The following ERCC6L2 variants were observed in gnomAD, a reference collection of about 807,000 sequenced individuals.
The protein encoded by ERCC6L2 is DNA excision repair protein ERCC-6-like 2.
A neutral mutation model predicts 132.0 loss-of-function variants in ERCC6L2; 77 were observed. The ratio of observed to expected loss-of-function variants is 0.58; its 90% CI spans 0.49 to 0.71. The LOEUF (loss-of-function observed/expected upper bound fraction) is 0.71, where lower values mean the gene tolerates loss of function less well. Ranked by LOEUF, ERCC6L2 falls within the 30% of genes least tolerant of loss-of-function variation. The pLI is 0.00. For synonymous variants in ERCC6L2, 583 were observed against 632.4 expected (o/e 0.92, Z 1.17); for missense variants, 1,542 against 1,837.6 (o/e 0.84, Z 2.94).
chr9:95,916,474 T>C (rs1829597476), intron 6 of ERCC6L2, 40 bp downstream of exon 6: 1 of 1,413,088 alleles, frequency 7.1e-7, no homozygotes, highest in Non-Finnish European at 9.3e-7. Context: ...TTTGTGGTCA[T>C]ATTTTTTTTT....
At chr9:95,970,371 A>G (rs1832357561) in intron 14 of ERCC6L2, among the ~76,000 whole-genome samples, 1 of 152,190 alleles carries the variant, frequency 6.6e-6, no homozygotes, top group South Asian at 2.1e-4. Context: ...ACAAGAATTA[A>G]GAGTATTTTT....
chr9:96,007,212 T>C (rs1022402133), intron 18 of ERCC6L2, among the ~76,000 whole-genome samples: 7 of 152,236 alleles, frequency 4.6e-5, no homozygotes, highest in Non-Finnish European at 1.0e-4. Context: ...GCAGCTGAGC[T>C]GGAGCCTTAG....
chr9:95,927,412 C>T (rs1191027104), intron 9 of ERCC6L2, among the ~76,000 whole-genome samples: 1 of 152,090 alleles, frequency 6.6e-6, no homozygotes, highest in Non-Finnish European at 1.5e-5. Flanking sequence ...CTGGAGCTGT[C>T]ATTGCCAGAT....
At chr9:95,878,304 A>G (rs1827398326) in intron 1 of ERCC6L2, among the ~76,000 whole-genome samples, 2 of 152,250 alleles carry the variant, frequency 1.3e-5, no homozygotes, top group Admixed American at 1.3e-4. Flanking sequence ...AACTGACTCT[A>G]GAGAAAATGT....
At chr9:96,005,270 G>A (rs1306374029) in intron 18 of ERCC6L2, among the ~76,000 whole-genome samples, 1 of 151,720 alleles carries the variant, frequency 6.6e-6, no homozygotes, top group Non-Finnish European at 1.5e-5. Flanking sequence ...CCGAGATTGC[G>A]CCACTGCACT....
rs766011794 is a variant in ERCC6L2, at chr9:95,928,835, AG to A, written c.1723del (p.Asp575MetfsTer14). The A allele has an allele frequency of 6.2e-7, 1 of 1,603,394 alleles. No individual in the cohort carries two copies. Among genetic ancestry groups the A allele is most frequent in the Non-Finnish European group, 8.5e-7 (1 of 1,175,994 alleles). ...TTGTAAAAGAGTTCAACAGTACACA[AG>A]ATGTTAACATTTGCCTTGTCTCTAC... ...KIVKEFNSTQDVNICLVSTMA... is the reference protein window; with the variant it reads ...KIVKEFNSTQXVNICLVSTMA... On this transcript the variant is annotated frameshift_variant, in exon 11 of 19. Coordinates refer to ENST00000653738, the MANE Select transcript of ERCC6L2 (RefSeq NM_020207.7). LOFTEE classifies it high-confidence loss of function.
intron 12 of ERCC6L2, among the ~76,000 whole-genome samples, chr9:95,953,000 A>T (rs1170007226): frequency 6.6e-6 from 1 of 152,178 alleles, no homozygotes; most frequent in Non-Finnish European, 1.5e-5. Flanking sequence ...AGATTGTATG[A>T]TTTCATGTTG....
chr9:95,926,705 CA>C (rs1830117413), intron 9 of ERCC6L2, among the ~76,000 whole-genome samples: 1 of 152,030 alleles, frequency 6.6e-6, no homozygotes, highest in Non-Finnish European at 1.5e-5. Flanking sequence ...ATGGTAGATA[CA>C]TGTCATGATA....
chr9:96,025,422 G>C (rs1834347515), intron 19 of ERCC6L2, among the ~76,000 whole-genome samples: 1 of 152,234 alleles, frequency 6.6e-6, no homozygotes, highest in Admixed American at 6.5e-5. Flanking sequence ...CACTGAGTGG[G>C]TCAGGCGGTG....
At chr9:95,900,455 C>T (rs973582914) in intron 3 of ERCC6L2, among the ~76,000 whole-genome samples, 6 of 151,236 alleles carry the variant, frequency 4.0e-5, no homozygotes, top group East Asian at 1.9e-4. Context: ...GTAGTTTTTT[C>T]GTTAGTCTTT....
At chr9:95,955,424 A>G (rs1049345713) in intron 12 of ERCC6L2, among the ~76,000 whole-genome samples, 2 of 148,760 alleles carry the variant, frequency 1.3e-5, no homozygotes, top group South Asian at 2.1e-4. Flanking sequence ...AACCATCACC[A>G]CAATTAACAT....
intron 17 of ERCC6L2, among the ~76,000 whole-genome samples, chr9:95,997,860 T>C (rs1833523965): frequency 6.6e-6 from 1 of 152,256 alleles, no homozygotes; most frequent in Non-Finnish European, 1.5e-5. Flanking sequence ...TAGCCTTGTA[T>C]GTTGTTTTAT....
At position 95,930,787 on chromosome 9, in the gene ERCC6L2, T is replaced by C. The variant is rs540950878; in HGVS notation, c.1751+1923T>C. 6.6e-5 allele frequency among the ~76,000 whole-genome samples: 10 copies of C among 152,320 alleles called. No homozygotes were observed. The South Asian group carries it at 2.1e-3, about 32-fold the overall frequency. On this transcript the variant is annotated intron_variant, in intron 11 of 18. Coordinates refer to ENST00000653738, the MANE Select transcript of ERCC6L2 (RefSeq NM_020207.7). ...TACTGGAAAATGATTCAAGTTTTGA[T>C]GTTTGGTCCATTAACTTTCCACATG...
intron 12 of ERCC6L2, among the ~76,000 whole-genome samples, chr9:95,948,243 T>C (rs1179528327): frequency 2.6e-5 from 4 of 152,236 alleles, no homozygotes; most frequent in Non-Finnish European, 5.9e-5. Flanking sequence ...CCCTCATGGA[T>C]GACTTTGAGG....
chr9:96,003,944 G>A (rs889358093), intron 17 of ERCC6L2, among the ~76,000 whole-genome samples: 5 of 152,182 alleles, frequency 3.3e-5, no homozygotes, highest in Non-Finnish European at 7.3e-5. Flanking sequence ...ATGTTAGGCA[G>A]GCAATTCATG....
At chr9:96,020,777 C>A (rs1834272908), downstream of ERCC6L2, 2 of 456,758 alleles carry the variant, frequency 4.4e-6, no homozygotes, top group Non-Finnish European at 8.8e-6. Flanking sequence ...GGGGAGTGGA[C>A]GGGCCTAAGA....
At chr9:95,960,928 A>G (rs761069174) in intron 13 of ERCC6L2, among the ~76,000 whole-genome samples, 6 of 152,168 alleles carry the variant, frequency 3.9e-5, no homozygotes, top group Non-Finnish European at 7.4e-5. Flanking sequence ...GGTAAATTCT[A>G]TCAAACACTT....
intron 13 of ERCC6L2, among the ~76,000 whole-genome samples, chr9:95,963,599 T>G (rs1054813269): frequency 6.6e-6 from 1 of 152,132 alleles, no homozygotes; most frequent in African/African-American, 2.4e-5. Flanking sequence ...GATGCTGTAA[T>G]CCATAGGACC....
At chr9:96,036,467 G>C (rs900701281) in intron 19 of ERCC6L2, among the ~76,000 whole-genome samples, 13 of 152,176 alleles carry the variant, frequency 8.5e-5, no homozygotes, top group Non-Finnish European at 1.5e-4. Context: ...GGGTGTTCGT[G>C]CTGCTCTGAA....
Sources: allele counts gnomAD v4.1 joint callset (sites outside exome capture counted in the v4.1 genomes callset), GRCh38; gene constraint gnomAD v4.1.1; transcripts MANE v1.5; gene names NCBI Gene and HGNC (gene_info 2026-07-23, HGNC 2026-07-21).